Variants in RHEB observed in about 807,000 individuals in gnomAD.
The protein encoded by RHEB is GTP-binding protein Rheb.
In RHEB, 2 loss-of-function variants were observed where a neutral mutation model predicts 28.8. That is an observed-to-expected ratio of 0.07 (90% CI 0.03 to 0.22). RHEB has a LOEUF of 0.22. RHEB is among the 10% of genes least tolerant of loss of function. The pLI is 1.00. For missense variants in RHEB, 76 were observed against 219.9 expected (o/e 0.35, Z 4.14); for synonymous variants, 69 against 77.3 (o/e 0.89, Z 0.56).
At chr7:151,517,768 G>A (rs1803107882) in intron 1 of RHEB, 1 of 152,094 alleles carries the variant, frequency 6.6e-6, no homozygotes, top group Non-Finnish European at 1.5e-5. Flanking sequence ...TTTGAAAAGG[G>A]TAAATCAGTC....
At chr7:151,504,292 G>A (rs1320665386) in intron 1 of RHEB, among the ~76,000 whole-genome samples, 27 of 152,000 alleles carry the variant, frequency 1.8e-4, no homozygotes, top group Non-Finnish European at 1.5e-5. Context: ...GGGATTGGGG[G>A]AAATAAAACA....
At chr7:151,478,266 A>C (rs1315214622) in intron 3 of RHEB, among the ~76,000 whole-genome samples, 1 of 152,184 alleles carries the variant, frequency 6.6e-6, no homozygotes, top group Non-Finnish European at 1.5e-5. Context: ...TATTATGGAA[A>C]AATCACATCA....
At chr7:151,482,316 C>T (rs1802392189) in intron 3 of RHEB, among the ~76,000 whole-genome samples, 1 of 152,218 alleles carries the variant, frequency 6.6e-6, no homozygotes, top group Non-Finnish European at 1.5e-5. Context: ...GCTATCACAG[C>T]TCACTGCAAC....
At chr7:151,514,022 A>G (rs1475873454) in intron 1 of RHEB, among the ~76,000 whole-genome samples, 3 of 152,258 alleles carry the variant, frequency 2.0e-5, no homozygotes, top group Non-Finnish European at 4.4e-5. Flanking sequence ...AACTACAGTA[A>G]TCAAGATCGT....
At chr7:151,497,938 C>A (rs993844272) in intron 1 of RHEB, among the ~76,000 whole-genome samples, 2 of 152,188 alleles carry the variant, frequency 1.3e-5, no homozygotes, top group East Asian at 1.9e-4. Flanking sequence ...AAAAATCCAA[C>A]GGGGCATATT....
At chr7:151,512,963 C>G (rs896973876) in intron 1 of RHEB, among the ~76,000 whole-genome samples, 1 of 152,316 alleles carries the variant, frequency 6.6e-6, no homozygotes, top group Middle Eastern at 3.4e-3. Flanking sequence ...TGGCATGAAT[C>G]AAAAACAGTA....
At position 151,519,748 on chromosome 7, in the gene RHEB, C is replaced by G. The variant is rs1184432778; in HGVS notation, c.-237G>C. ...GTGACCGGCCGGCGTCAGCACCGCC[C>G]CTCTTCGCGCCGTGGCCCGCCGCCT... is the stretch of plus-strand genomic sequence containing the variant. On this transcript the variant is annotated 5_prime_UTR_variant, in exon 1 of 8. Coordinates refer to ENST00000262187, the MANE Select transcript of RHEB (RefSeq NM_005614.4). The G allele has an allele frequency of 2.6e-5, 9 of 339,732 alleles. No homozygotes were observed. In the East Asian group the frequency reaches 4.0e-4, roughly 15 times the overall value. The allele number at this position is 339,732 out of a possible 1,614,324, so 21.0% of individuals were successfully genotyped here.
At chr7:151,503,913 T>C (rs6949889) in intron 1 of RHEB, among the ~76,000 whole-genome samples, 10,211 of 152,228 alleles carry the variant, frequency 0.067, 1,099 homozygotes, top group African/African-American at 0.23. Context: ...TTCGCAGTGA[T>C]CCATTTACAT....
chr7:151,467,764 CTCCTGCCCGTCT>C (rs1417458029), intron 7 of RHEB, among the ~76,000 whole-genome samples: 1 of 152,204 alleles, frequency 6.6e-6, no homozygotes, highest in Non-Finnish European at 1.5e-5. Flanking sequence ...GGCCTCTCCT[CTCCTGCCCGTCT>C]TCCTGCCCTC....
At chr7:151,514,609 G>C (rs1477271072) in intron 1 of RHEB, among the ~76,000 whole-genome samples, 1 of 152,190 alleles carries the variant, frequency 6.6e-6, no homozygotes, top group Non-Finnish European at 1.5e-5. Flanking sequence ...AAATCTGACA[G>C]TTCTTCAAAA....
Position 151,471,624 on chromosome 7 carries a change from A to C in RHEB, c.276-19T>G. The C allele has an allele frequency of 6.8e-7, 1 of 1,480,366 alleles. No homozygotes were observed. Among genetic ancestry groups the C allele is most frequent in the East Asian group, 2.3e-5 (1 of 44,148 alleles). 91.7% of individuals were successfully genotyped at this position (1,480,366 alleles called of 1,614,324 possible). On this transcript the variant is annotated intron_variant, in intron 4 of 7. Transcript: ENST00000262187. ...TTCAAAACTATAAAACAAAAAGTAT[A>C]AATTAGACATCCATTTTAATGTTGA... is the stretch of plus-strand genomic sequence containing the variant.
chr7:151,502,231 A>G, intron 1 of RHEB: 4 of 219,722 alleles, frequency 1.8e-5, no homozygotes, highest in Non-Finnish European at 3.6e-5. Flanking sequence ...GCTGTCTCAA[A>G]AAAAAAAAAA....
chr7:151,507,143 C>A (rs879769660), intron 1 of RHEB, among the ~76,000 whole-genome samples: 11 of 152,192 alleles, frequency 7.2e-5, no homozygotes, highest in Non-Finnish European at 1.5e-4. Flanking sequence ...AAAAAGACTG[C>A]AGACTCACCT....
chr7:151,477,921 A>G (rs1019316855), intron 3 of RHEB, among the ~76,000 whole-genome samples: 1 of 151,996 alleles, frequency 6.6e-6, no homozygotes, highest in Non-Finnish European at 1.5e-5. Context: ...GGAGAGAGGG[A>G]GAGAGGGAGG....
chr7:151,519,418 C>G, intron 1 of RHEB, 42 bp downstream of exon 1: 2 of 1,356,634 alleles, frequency 1.5e-6, no homozygotes, highest in Non-Finnish European at 1.9e-6. Context: ...CCAGGCGAGG[C>G]CCCGGCGGCG....
intron 2 of RHEB, among the ~76,000 whole-genome samples, chr7:151,485,133 C>T (rs913181462): frequency 2.0e-5 from 3 of 152,154 alleles, no homozygotes; most frequent in African/African-American, 7.2e-5. Context: ...AAATATACTA[C>T]GTAAAGTCTG....
At chr7:151,511,847 C>T (rs1323885050) in intron 1 of RHEB, among the ~76,000 whole-genome samples, 2 of 152,112 alleles carry the variant, frequency 1.3e-5, no homozygotes, top group African/African-American at 2.4e-5. Context: ...GACAGGGTTT[C>T]GCCAGGTTGG....
chr7:151,483,658 G>C lies in RHEB; in HGVS notation c.192+1079C>G, dbSNP rs181894061. ...TTTAACTCAGGAGGCACAGGTTGTA[G>C]TGGGATAGCACCACTGCCTTCCAGC... On this transcript the variant is annotated intron_variant, in intron 3 of 7. Coordinates refer to ENST00000262187, the MANE Select transcript of RHEB (RefSeq NM_005614.4). Among the ~76,000 whole-genome samples the C allele has an allele frequency of 1.8e-4, 28 of 152,308 alleles. 1 individual carries two copies. The highest frequency in any genetic ancestry group is 1.2e-3 in the Admixed American group (19 of 15,298).
chr7:151,493,685 C>T (rs1467822033), intron 1 of RHEB, among the ~76,000 whole-genome samples: 5 of 152,162 alleles, frequency 3.3e-5, no homozygotes, highest in South Asian at 2.1e-4. Flanking sequence ...TTTATTGGTA[C>T]CTAATCACAG....
Sources: allele counts gnomAD v4.1 joint callset (sites outside exome capture counted in the v4.1 genomes callset), GRCh38; gene constraint gnomAD v4.1.1; transcripts MANE v1.5; gene names NCBI Gene and HGNC (gene_info 2026-07-23, HGNC 2026-07-21).